The following SORCS3 variants were observed in gnomAD, a reference collection of about 807,000 sequenced individuals.
SORCS3 encodes the protein VPS10 domain-containing receptor SorCS3.
SORCS3 carries 57 observed loss-of-function variants against 146.3 expected under a neutral mutation model. The observed-to-expected ratio is 0.39, with a 90% CI of 0.31 to 0.49. The LOEUF is 0.49. Among genes scored for constraint, SORCS3 ranks in the 20% least tolerant of loss-of-function variants. The pLI, the probability that SORCS3 is intolerant of heterozygous loss-of-function variation, is 0.92. For missense variants in SORCS3, 1,341 were observed against 1,575.5 expected, an observed-to-expected ratio of 0.85 and a Z score of 2.52; for synonymous variants, 653 against 618.5, an observed-to-expected ratio of 1.06 and a Z score of -0.83.
At chr10:105,238,888 C>A (rs1261784731) in intron 20 of SORCS3, among the ~76,000 whole-genome samples, 1 of 152,114 alleles carries the variant, frequency 6.6e-6, no homozygotes, top group African/African-American at 2.4e-5. Context: ...ATCATCTTTT[C>A]CCACCTATTA....
intron 1 of SORCS3, among the ~76,000 whole-genome samples, chr10:104,781,190 T>C (rs1237623279): frequency 6.6e-6 from 1 of 152,190 alleles, no homozygotes; most frequent in African/African-American, 2.4e-5. Flanking sequence ...TTGCAACTCA[T>C]TTGATCTTTA....
intron 5 of SORCS3, among the ~76,000 whole-genome samples, chr10:105,086,642 T>C (rs1400247670): frequency 6.6e-6 from 1 of 152,218 alleles, no homozygotes; most frequent in African/African-American, 2.4e-5. Context: ...TAGCATAGTA[T>C]TTATTGACCA....
chr10:105,210,584 T>C (rs2056627597), intron 16 of SORCS3, among the ~76,000 whole-genome samples: 1 of 152,192 alleles, frequency 6.6e-6, no homozygotes, highest in South Asian at 2.1e-4. Context: ...GCGGACTTTC[T>C]TTCTTCATTT....
intron 4 of SORCS3, among the ~76,000 whole-genome samples, chr10:104,999,491 A>G (rs2055048126): frequency 6.6e-6 from 1 of 152,168 alleles, no homozygotes; most frequent in Non-Finnish European, 1.5e-5. Flanking sequence ...TCCCTTATTC[A>G]CTACCTTGTT....
intron 2 of SORCS3, among the ~76,000 whole-genome samples, chr10:104,911,540 G>T (rs887897550): frequency 6.6e-6 from 1 of 152,228 alleles, no homozygotes; most frequent in Admixed American, 6.5e-5. Context: ...CATCAGTCCT[G>T]CAGGGATCCC....
chr10:105,194,612 T>G (rs1366345322), intron 14 of SORCS3, among the ~76,000 whole-genome samples: 1 of 152,190 alleles, frequency 6.6e-6, no homozygotes, highest in Non-Finnish European at 1.5e-5. Flanking sequence ...TAGAATTGCC[T>G]TGTTTTTTTT....
intron 2 of SORCS3, among the ~76,000 whole-genome samples, chr10:104,891,224 G>C (rs1457841195): frequency 5.3e-5 from 8 of 152,206 alleles, no homozygotes; most frequent in Non-Finnish European, 1.0e-4. Context: ...AACAGTAACT[G>C]TTATTGGCCT....
intron 16 of SORCS3, among the ~76,000 whole-genome samples, chr10:105,205,579 G>T (rs1564784520): frequency 6.6e-6 from 1 of 152,240 alleles, no homozygotes; most frequent in African/African-American, 2.4e-5. Flanking sequence ...GCAAGAGGGG[G>T]CTCCTCTAAA....
At chr10:105,103,082 C>T (rs2055797275) in intron 6 of SORCS3, among the ~76,000 whole-genome samples, 1 of 152,082 alleles carries the variant, frequency 6.6e-6, no homozygotes, top group Non-Finnish European at 1.5e-5. Context: ...GGAAATTTAA[C>T]ATTTAAAAAA....
chr10:104,876,477 T>C (rs2018572783), intron 2 of SORCS3, among the ~76,000 whole-genome samples: 1 of 152,182 alleles, frequency 6.6e-6, no homozygotes, highest in Non-Finnish European at 1.5e-5. Flanking sequence ...ACAGGCACAA[T>C]ATCAAAGACC....
chr10:105,177,897 T>C lies in SORCS3; in HGVS notation c.1902-169T>C, dbSNP rs140440656. ...CCGCCCAAGTCCAGAAATGCAGTTT[T>C]GATCAAATCTCATAATAATATGGGG... On this transcript the variant is annotated intron_variant, in intron 13 of 26. Transcript: ENST00000369701. Among the ~76,000 whole-genome samples the C allele has an allele frequency of 2.0e-3, 306 of 152,292 alleles. 1 individual carries two copies. Among genetic ancestry groups the C allele is most frequent in the African/African-American group, 7.0e-3 (290 of 41,568 alleles).
At chr10:104,901,151 A>C (rs1478950464) in intron 2 of SORCS3, among the ~76,000 whole-genome samples, 1 of 152,178 alleles carries the variant, frequency 6.6e-6, no homozygotes, top group Non-Finnish European at 1.5e-5. Context: ...CATCATATTA[A>C]TAATGGCCAC....
At chr10:105,165,883 GA>G (rs1417058080) in intron 12 of SORCS3, among the ~76,000 whole-genome samples, 1 of 152,122 alleles carries the variant, frequency 6.6e-6, no homozygotes, top group African/African-American at 2.4e-5. Context: ...GCAGTGGCCA[GA>G]TGGTAAAATT....
At chr10:104,995,748 A>C (rs936826763) in intron 4 of SORCS3, among the ~76,000 whole-genome samples, 4 of 152,170 alleles carry the variant, frequency 2.6e-5, no homozygotes, top group Non-Finnish European at 4.4e-5. Context: ...AATGAAGAGA[A>C]GTTCATAGTT....
At chr10:104,839,051 A>G (rs933685548) in intron 1 of SORCS3, among the ~76,000 whole-genome samples, 1 of 152,194 alleles carries the variant, frequency 6.6e-6, no homozygotes. Context: ...GCTTAATAGC[A>G]TCTCCTGCTG....
chr10:104,894,623 G>A (rs1307504189), intron 2 of SORCS3, among the ~76,000 whole-genome samples: 1 of 152,188 alleles, frequency 6.6e-6, no homozygotes, highest in Non-Finnish European at 1.5e-5. Context: ...CAGAAGGAGA[G>A]ACCAAGAAGG....
intron 14 of SORCS3, among the ~76,000 whole-genome samples, chr10:105,195,624 A>G (rs1279341770): frequency 6.6e-6 from 1 of 152,196 alleles, no homozygotes; most frequent in African/African-American, 2.4e-5. Flanking sequence ...TGTGATATTG[A>G]ACAGAATTAG....
chr10:104,920,912 G>A (rs908589313), intron 3 of SORCS3, among the ~76,000 whole-genome samples: 17 of 152,154 alleles, frequency 1.1e-4, no homozygotes, highest in Admixed American at 6.6e-4. Context: ...TTGTATACCC[G>A]GTTGTTTGCC....
intron 2 of SORCS3, among the ~76,000 whole-genome samples, chr10:104,871,875 G>A (rs1873307): frequency 0.84 from 127,536 of 152,010 alleles, 53,961 homozygotes; most frequent in East Asian, 0.98. Flanking sequence ...AGTACTCTCA[G>A]TTCCTGCTGA....
Sources: allele counts gnomAD v4.1 joint callset (sites outside exome capture counted in the v4.1 genomes callset), GRCh38; gene constraint gnomAD v4.1.1; transcripts MANE v1.5; gene names NCBI Gene and HGNC (gene_info 2026-07-23, HGNC 2026-07-21).